MSI2: variants seen among roughly 807,000 people sequenced by gnomAD.
MSI2 encodes musashi RNA binding protein 2, also known as RNA-binding protein Musashi homolog 2.
In MSI2, 17 loss-of-function variants were observed where a neutral mutation model predicts 45.6. The observed-to-expected ratio is 0.37, with a 90% CI of 0.26 to 0.56. MSI2 has a LOEUF of 0.56. Among genes scored for constraint, MSI2 ranks in the 20% least tolerant of loss-of-function variants. MSI2 has a pLI of 0.77. For missense variants in MSI2, 293 were observed against 444.2 expected (o/e 0.66, Z 3.06); for synonymous variants, 156 against 158.2 (o/e 0.99, Z 0.11).
chr17:57,264,904 G>A (rs1907639795), intron 5 of MSI2: 1 of 152,368 alleles, frequency 6.6e-6, no homozygotes. Flanking sequence ...GCGTTCCTGG[G>A]CCTAGGTGAT....
intron 10 of MSI2, among the ~76,000 whole-genome samples, chr17:57,648,098 G>A (rs1264056910): frequency 6.6e-6 from 1 of 151,120 alleles, no homozygotes; most frequent in Non-Finnish European, 1.5e-5. Flanking sequence ...AAGAAGCTGG[G>A]ATTACAAGCA....
At chr17:57,344,475 C>T (rs1915425055) in intron 5 of MSI2, among the ~76,000 whole-genome samples, 1 of 152,208 alleles carries the variant, frequency 6.6e-6, no homozygotes, top group African/African-American at 2.4e-5. Context: ...TCTTGTGTCT[C>T]CCCTGCTCCA....
At chr17:57,262,611 T>C (rs941570336) in intron 5 of MSI2, among the ~76,000 whole-genome samples, 1 of 152,210 alleles carries the variant, frequency 6.6e-6, no homozygotes, top group Non-Finnish European at 1.5e-5. Flanking sequence ...GCTGATCCTT[T>C]CTTGGAAAAG....
chr17:57,400,355 C>T (rs2083967583), intron 5 of MSI2, among the ~76,000 whole-genome samples: 1 of 151,902 alleles, frequency 6.6e-6, no homozygotes, highest in East Asian at 1.9e-4. Context: ...AGATTTTGGT[C>T]TCCACTCTGA....
chr17:57,528,927 A>G (rs1374091162), intron 6 of MSI2, among the ~76,000 whole-genome samples: 1 of 152,214 alleles, frequency 6.6e-6, no homozygotes, highest in Non-Finnish European at 1.5e-5. Context: ...ATCACTAAAA[A>G]CAATTCACAT....
intron 5 of MSI2, 106 bp downstream of exon 5, chr17:57,262,298 T>C: frequency 1.6e-6 from 2 of 1,237,292 alleles, no homozygotes; most frequent in Non-Finnish European, 2.4e-6. Flanking sequence ...TGGTATTCAC[T>C]GTTCCTTCGG....
chr17:57,679,149 G>T (rs1277005724), intron 13 of MSI2, among the ~76,000 whole-genome samples: 2 of 152,138 alleles, frequency 1.3e-5, no homozygotes, highest in South Asian at 2.1e-4. Flanking sequence ...TTGTTTGTTT[G>T]TTTTTTTAAC....
Position 57,596,260 on chromosome 17 carries a change from G to A in MSI2, c.455-608G>A, listed in dbSNP as rs1028044051. 1.3e-5 allele frequency among the ~76,000 whole-genome samples: 2 copies of A among 152,214 alleles called. No individual in the cohort carries two copies. The highest frequency in any genetic ancestry group is 2.4e-5 in the African/African-American group (1 of 41,458). ...AGAGTACATACAGTGGATAGCTGAC[G>A]GGCTGACAGCAGGCATCAAACAGTC... On this transcript the variant is annotated intron_variant, in intron 7 of 13. Transcript: ENST00000284073. This position sits in a 1 kb window ranked among gnomAD's most constrained non-coding sequence, Gnocchi z 4.6.
intron 5 of MSI2, among the ~76,000 whole-genome samples, chr17:57,307,728 C>T (rs1029759388): frequency 2.0e-5 from 3 of 149,916 alleles, no homozygotes; most frequent in Admixed American, 6.6e-5. Flanking sequence ...CATGAGCCAC[C>T]GTGCCTGGCC....
intron 8 of MSI2, among the ~76,000 whole-genome samples, chr17:57,614,120 G>A (rs4793877): frequency 0.42 from 63,226 of 151,764 alleles, 13,918 homozygotes; most frequent in Non-Finnish European, 0.5. Flanking sequence ...GTGCGATCTC[G>A]GCTCACTACA....
At chr17:57,417,021 G>T (rs981124121) in intron 6 of MSI2, among the ~76,000 whole-genome samples, 5 of 152,152 alleles carry the variant, frequency 3.3e-5, no homozygotes, top group Admixed American at 6.5e-5. Flanking sequence ...ATCGCAGTGT[G>T]GTATAGCAAA....
chr17:57,336,234 AG>A (rs1185909275), intron 5 of MSI2, among the ~76,000 whole-genome samples: 1 of 152,176 alleles, frequency 6.6e-6, no homozygotes, highest in Non-Finnish European at 1.5e-5. Flanking sequence ...ACTGGGATGT[AG>A]GAAGTTCTGG....
At chr17:57,375,236 G>A (rs2083476584) in intron 5 of MSI2, among the ~76,000 whole-genome samples, 1 of 152,170 alleles carries the variant, frequency 6.6e-6, no homozygotes, top group Non-Finnish European at 1.5e-5. Flanking sequence ...AAAGTGTAGT[G>A]ATCAGCAAAT....
intron 8 of MSI2, among the ~76,000 whole-genome samples, chr17:57,613,683 G>C (rs1205412062): frequency 6.6e-6 from 1 of 152,094 alleles, no homozygotes; most frequent in East Asian, 1.9e-4. Context: ...CAATCTGTGG[G>C]CAAAAAATAT....
chr17:57,485,687 C>T (rs2085739972), intron 6 of MSI2, among the ~76,000 whole-genome samples: 2 of 152,194 alleles, frequency 1.3e-5, no homozygotes. Flanking sequence ...CTGAGTTCCT[C>T]AGATGAGGTT....
chr17:57,502,798 C>T (rs1426991328), intron 6 of MSI2, among the ~76,000 whole-genome samples: 1 of 151,536 alleles, frequency 6.6e-6, no homozygotes, highest in Admixed American at 6.6e-5. Flanking sequence ...TTCCCCAGCA[C>T]CATTACATAC....
chr17:57,367,324 A>G (rs906952376), intron 5 of MSI2, among the ~76,000 whole-genome samples: 1 of 152,132 alleles, frequency 6.6e-6, no homozygotes, highest in African/African-American at 2.4e-5. Context: ...GTATCAGGAG[A>G]TACAAGTGGA....
intron 11 of MSI2, among the ~76,000 whole-genome samples, chr17:57,655,319 CA>C (rs1159377058): frequency 1.3e-5 from 2 of 152,204 alleles, no homozygotes; most frequent in Admixed American, 6.5e-5. Context: ...CGTATTCATT[CA>C]GTTCCAGTGG....
chr17:57,664,494 G>A (rs1318975376), intron 11 of MSI2, among the ~76,000 whole-genome samples: 1 of 151,892 alleles, frequency 6.6e-6, no homozygotes, highest in African/African-American at 2.4e-5. Context: ...CTCCAGCCTG[G>A]GTGACATAGC....
Sources: allele counts gnomAD v4.1 joint callset (sites outside exome capture counted in the v4.1 genomes callset), GRCh38; gene constraint gnomAD v4.1.1; non-coding constraint Gnocchi (gnomAD v3.1); transcripts MANE v1.5; gene names NCBI Gene and HGNC (gene_info 2026-07-23, HGNC 2026-07-21).